Variants in CHD4 observed in about 807,000 individuals in gnomAD.
CHD4 encodes ATP-dependent chromatin remodeler CHD4.
Under a neutral mutation model 235.5 loss-of-function variants are expected in CHD4, and 35 were observed. That is an observed-to-expected ratio of 0.15 (90% confidence interval 0.11 to 0.20). The LOEUF (loss-of-function observed/expected upper bound fraction) is 0.20. Among genes scored for constraint, CHD4 ranks in the 10% least tolerant of loss-of-function variants. The probability of loss-of-function intolerance (pLI) is 1.00; values close to 1 mark genes in which losing one functional copy is unlikely to be tolerated. For synonymous variants in CHD4, 900 were observed against 850.2 expected (o/e 1.06, Z -1.02); for missense variants, 1,329 against 2,432.3 (o/e 0.55, Z 9.54).
chr12:6,587,171 A>C (rs1948313645), intron 25 of CHD4: 2 of 565,256 alleles, frequency 3.5e-6, no homozygotes, highest in African/African-American at 1.9e-5. Context: ...TGTTGTGAGC[A>C]TGATATTTGG....
intron 37 of CHD4, among the ~76,000 whole-genome samples, chr12:6,573,794 C>T (rs1465853544): frequency 6.6e-6 from 1 of 152,050 alleles, no homozygotes; most frequent in Non-Finnish European, 1.5e-5. Context: ...GAGGCTGAGG[C>T]GGGCAGATTA....
At chr12:6,592,886 C>T (rs1948424614) in intron 17 of CHD4, 69 bp from the exon 18 acceptor site, 2 of 1,565,200 alleles carry the variant, frequency 1.3e-6, no homozygotes, top group African/African-American at 2.7e-5. Context: ...TACAAAATTT[C>T]AAGTTTTTCA....
intron 1 of CHD4, 199 bp from the exon 2 acceptor site, chr12:6,606,650 G>A (rs1023384592): frequency 8.5e-6 from 3 of 351,378 alleles, no homozygotes; most frequent in East Asian, 5.2e-5. Context: ...CGGAGCGAGG[G>A]AGCGACGCCT....
chr12:6,596,122 G>T lies in CHD4; in HGVS notation c.1908C>A (p.Gly636=). The T allele has an allele frequency of 1.2e-6, 2 of 1,613,818 alleles. No homozygotes were observed. The highest frequency in any genetic ancestry group is 2.2e-5 in the South Asian group (2 of 91,074). ...RILNHSVDKK[G]HVHYLIKWRD... ...GCCACTTGATCAAGTAGTGGACGTG[G>T]CCCTTCTTGTCCACACTGCAAGTCC... is the stretch of plus-strand genomic sequence containing the variant. The change falls in exon 13 of 40, where the codon GGC becomes GGA. Residue 636 remains glycine, a synonymous_variant. Coordinates refer to ENST00000544040, the MANE Select transcript of CHD4 (RefSeq NM_001273.5).
chr12:6,585,653 G>A (rs533949329), intron 25 of CHD4, among the ~76,000 whole-genome samples: 20 of 151,582 alleles, frequency 1.3e-4, no homozygotes, highest in African/African-American at 4.8e-4. Flanking sequence ...GCTGGGTGTG[G>A]TGGCACGTGC....
intron 38 of CHD4, among the ~76,000 whole-genome samples, chr12:6,572,203 TG>T (rs1456739182): frequency 1.3e-5 from 2 of 148,526 alleles, no homozygotes; most frequent in African/African-American, 5.0e-5. Flanking sequence ...CGGAGGCGGG[TG>T]GATCACTTGA....
intron 2 of CHD4, chr12:6,603,139 C>G (rs943058928): frequency 6.6e-6 from 1 of 152,600 alleles, no homozygotes; most frequent in Non-Finnish European, 1.5e-5. Flanking sequence ...AGCCTCTTCT[C>G]CCTAGGGGCC....
rs1948432550 is a variant in CHD4, at chr12:6,593,289, G to A, written c.2515-61C>T. On this transcript the variant is annotated intron_variant, in intron 16 of 39. Transcript: ENST00000544040. The surrounding 1 kb of genome is among the most constrained non-coding windows in gnomAD (Gnocchi z 4.9). ...TTCCTCTGTGTAAGCACAACCAGGAGACTGATGGAATGTTTTCCTCCTCCC... is the reference window on the plus strand; with the variant it reads ...TTCCTCTGTGTAAGCACAACCAGGAAACTGATGGAATGTTTTCCTCCTCCC... 25 of 1,607,676 alleles carry A rather than the reference G, an allele frequency of 1.6e-5. No homozygotes were observed. Among genetic ancestry groups the A allele is most frequent in the Non-Finnish European group, 2.1e-5 (25 of 1,175,052 alleles).
At chr12:6,583,785 G>A (rs1013329251) in intron 25 of CHD4, 1 of 161,802 alleles carries the variant, frequency 6.2e-6, no homozygotes, top group Non-Finnish European at 1.3e-5. Context: ...AGGAGAGGAT[G>A]ACTATAAGCC....
chr12:6,601,621 C>T (rs1035820319), intron 5 of CHD4, 27 bp downstream of exon 5: 2 of 1,613,404 alleles, frequency 1.2e-6, no homozygotes, highest in African/African-American at 1.3e-5. Flanking sequence ...ATTCTCCTCC[C>T]CCTTCCCCAA....
intron 8 of CHD4, 61 bp from the exon 9 acceptor site, chr12:6,600,456 AC>A (rs1190891005): frequency 2.1e-6 from 2 of 967,156 alleles, no homozygotes; most frequent in Non-Finnish European, 3.0e-6. Context: ...CCACCCCCCG[AC>A]CCCTATCTCC....
At chr12:6,582,347 C>G (rs550806314) in intron 29 of CHD4, 66 bp from the exon 30 acceptor site, 5 of 1,492,264 alleles carry the variant, frequency 3.4e-6, no homozygotes, top group Non-Finnish European at 4.5e-6. Context: ...TTTTCCATCC[C>G]TTCGTGAGGC....
chr12:6,606,504 C>A (rs1189128624), intron 1 of CHD4, 53 bp from the exon 2 acceptor site: 11 of 539,548 alleles, frequency 2.0e-5, no homozygotes, highest in Non-Finnish European at 3.5e-5. Context: ...CGCACTGTCC[C>A]CCTCCCCCAC....
In CHD4 at chr12:6,582,177, A is replaced by G; in HGVS notation, c.4475T>C (p.Val1492Ala). The G allele has an allele frequency of 6.3e-7, 1 of 1,598,314 alleles. No individual in the cohort carries two copies. Among genetic ancestry groups the G allele is most frequent in the Admixed American group, 1.8e-5 (1 of 55,694 alleles). Residue 1492 changes from valine (V) to alanine (A), a missense_variant, in exon 30 of 40, where the codon GTC becomes GCC. This residue lies in a region of CHD4 where 48 missense variants were observed against 109.6 expected (regional missense o/e 0.44). Transcript: ENST00000544040. ...AGACATAACACCAATTCTAGTAAGG[A>G]CATGCTGGCGAGACAGGCCTTCTCG... is the stretch of plus-strand genomic sequence containing the variant. ...VPREGLSRQHVLTRIGVMSLI... is the reference protein window; with the variant it reads ...VPREGLSRQHALTRIGVMSLI...
Position 6,570,462 on chromosome 12 carries a change from G to C in CHD4, c.*214C>G. 1.7e-6 allele frequency: 1 copy of C among 595,908 alleles called. No individual in the cohort carries two copies. The highest frequency in any genetic ancestry group is 2.9e-6 in the Non-Finnish European group (1 of 340,076). 36.9% of individuals were successfully genotyped at this position (595,908 alleles called of 1,614,324 possible). A position where few individuals can be genotyped will look rare whatever the true frequency, so the allele number is the denominator to read the frequency against. ...GCCAGCCCGCCAGCTCCTGCAGATG[G>C]CGCCAGCGCTACTGCTGCATGTCTC... On this transcript the variant is annotated 3_prime_UTR_variant, in exon 40 of 40. Coordinates refer to ENST00000544040, the MANE Select transcript of CHD4 (RefSeq NM_001273.5).
At chr12:6,588,639 G>A (rs530974470) in intron 22 of CHD4, among the ~76,000 whole-genome samples, 1 of 152,200 alleles carries the variant, frequency 6.6e-6, no homozygotes, top group South Asian at 2.1e-4. Flanking sequence ...TTAGCCAGGC[G>A]TGGTGGTATA....
At chr12:6,582,333 AT>A (rs760379924) in intron 29 of CHD4, 52 bp from the exon 30 acceptor site, 1 of 1,510,186 alleles carries the variant, frequency 6.6e-7, no homozygotes, top group African/African-American at 1.4e-5. Context: ...TGACTCTTAG[AT>A]TCTTTTCCAT....
chr12:6,574,348 G>A (rs779356295), intron 37 of CHD4, among the ~76,000 whole-genome samples: 1 of 152,094 alleles, frequency 6.6e-6, no homozygotes, highest in African/African-American at 2.4e-5. Context: ...TTCTCCTAAT[G>A]CTGAACATTT....
In CHD4 at chr12:6,602,146, G is replaced by A. The variant is rs202139891; in HGVS notation, c.252C>T (p.Asp84=). ...ERMLLCRQLG[D]SSGEGPEFVE... Reference sequence around the variant, plus strand: ...CAAACTCTGGCCCCTCCCCAGAGCTGTCCCCCAGCTGCCGGCATAAGAGCA... The same window carrying A: ...CAAACTCTGGCCCCTCCCCAGAGCTATCCCCCAGCTGCCGGCATAAGAGCA... The change falls in exon 4 of 40, where the codon GAC becomes GAT. Residue 84 remains aspartate (D), a synonymous_variant. Coordinates refer to ENST00000544040, the MANE Select transcript of CHD4 (RefSeq NM_001273.5). The A allele has an allele frequency of 1.2e-6, 2 of 1,613,922 alleles. No homozygotes were observed. The highest frequency in any genetic ancestry group is 4.5e-5 in the East Asian group (2 of 44,866).
Sources: gnomAD v4.1 joint callset for allele counts (sites outside exome capture counted in the v4.1 genomes callset) on GRCh38, gnomAD v4.1.1 for gene constraint, gnomAD v4.1.1 regional missense constraint, Gnocchi (gnomAD v3.1) non-coding constraint, MANE v1.5 for transcripts, NCBI Gene and HGNC (gene_info 2026-07-23, HGNC 2026-07-21) for gene names.